DTNA: variants seen among roughly 807,000 people sequenced by gnomAD.
DTNA encodes the protein dystrobrevin alpha, also known as dystrophin-related protein 3.
DTNA carries 43 observed loss-of-function variants against 100.7 expected under a neutral mutation model. The observed-to-expected ratio is 0.43, with a 90% CI of 0.33 to 0.55. The LOEUF is 0.55. Ranked by LOEUF, DTNA falls within the 20% of genes least tolerant of loss-of-function variation. DTNA has a pLI of 0.04. For missense variants in DTNA, 798 were observed against 953.9 expected, an observed-to-expected ratio of 0.84 and a Z score of 2.15; for synonymous variants, 349 against 347.9, an observed-to-expected ratio of 1.00 and a Z score of -0.04.
intron 1 of DTNA, among the ~76,000 whole-genome samples, chr18:34,634,978 T>C (rs148201727): frequency 2.2e-3 from 332 of 152,296 alleles, no homozygotes; most frequent in African/African-American, 7.4e-3. Context: ...ATGTTAGCAT[T>C]ATGATTTATT....
At position 34,888,275 on chromosome 18, in the gene DTNA, A is replaced by C. The variant is rs1016783312; in HGVS notation, c.*541A>C. ...TTATTATACACTGTACATTTTTTTC[A>C]CAGCAATTGGAAAAAAACAACCACT... On this transcript the variant is annotated 3_prime_UTR_variant, in exon 23 of 23. Transcript: ENST00000444659. 2 of 985,708 alleles carry C rather than the reference A, an allele frequency of 2.0e-6. No individual in the cohort carries two copies. Among genetic ancestry groups the C allele is most frequent in the East Asian group, 1.1e-4 (1 of 8,806 alleles). 61.1% of individuals were successfully genotyped at this position (985,708 alleles called of 1,614,324 possible). A position where few individuals can be genotyped will look rare whatever the true frequency, so the allele number is the denominator to read the frequency against.
chr18:34,629,645 G>A (rs1475494161), intron 1 of DTNA, among the ~76,000 whole-genome samples: 2 of 152,134 alleles, frequency 1.3e-5, no homozygotes, highest in East Asian at 3.9e-4. Flanking sequence ...TCCAGGACAA[G>A]TGCTGTTTAA....
intron 1 of DTNA, among the ~76,000 whole-genome samples, chr18:34,604,789 C>A (rs1352394760): frequency 3.9e-5 from 6 of 152,134 alleles, no homozygotes; most frequent in Admixed American, 3.9e-4. Flanking sequence ...AGTTACATTA[C>A]ATTTTTCATT....
intron 1 of DTNA, among the ~76,000 whole-genome samples, chr18:34,632,127 T>A (rs1363537408): frequency 6.6e-6 from 1 of 152,216 alleles, no homozygotes; most frequent in African/African-American, 2.4e-5. Flanking sequence ...ATTAATAGAA[T>A]TTAATCCATT....
In DTNA at chr18:34,697,592, G is replaced by A. The variant is rs567862874; in HGVS notation, c.-1-58384G>A. ...GAAAAGGGAAATTTCATTTTTAAAA[G>A]AACCTCTTTGATGGAGAAGATGGGA... is the stretch of plus-strand genomic sequence containing the variant. On this transcript the variant is annotated intron_variant, in intron 1 of 19. Coordinates refer to the DTNA transcript ENST00000283365. Among the ~76,000 whole-genome samples the A allele has an allele frequency of 1.3e-3, 197 of 152,300 alleles. 1 individual carries two copies. Among genetic ancestry groups the A allele is most frequent in the Admixed American group, 1.4e-3 (22 of 15,288 alleles).
At chr18:34,509,789 C>T (rs889842927) in intron 1 of DTNA, among the ~76,000 whole-genome samples, 5 of 151,908 alleles carry the variant, frequency 3.3e-5, no homozygotes, top group African/African-American at 1.2e-4. Context: ...CCTTACTTTC[C>T]AAACATATGA....
chr18:34,812,202 C>G (rs1348580721), intron 6 of DTNA, 89 bp downstream of exon 6: 4 of 1,570,340 alleles, frequency 2.5e-6, no homozygotes, highest in Non-Finnish European at 3.5e-6. Context: ...GATACTCAGA[C>G]AAATTATTCT....
intron 13 of DTNA, among the ~76,000 whole-genome samples, chr18:34,848,026 A>G (rs543855736): frequency 3.3e-5 from 5 of 152,250 alleles, no homozygotes; most frequent in Non-Finnish European, 5.9e-5. Context: ...TTCTGATCAG[A>G]TGTATTGATC....
At chr18:34,568,405 G>T (rs759174504) in intron 1 of DTNA, among the ~76,000 whole-genome samples, 2 of 152,062 alleles carry the variant, frequency 1.3e-5, no homozygotes, top group African/African-American at 2.4e-5. Flanking sequence ...CTTAGGTAAC[G>T]TGAGTTCCTG....
chr18:34,775,892 G>A (rs1300770702), intron 3 of DTNA, among the ~76,000 whole-genome samples: 2 of 152,194 alleles, frequency 1.3e-5, no homozygotes, highest in Non-Finnish European at 2.9e-5. Context: ...TGAGTTTGTG[G>A]TTATTTGCCA....
At chr18:34,587,226 C>G (rs2049237394) in intron 1 of DTNA, among the ~76,000 whole-genome samples, 1 of 151,520 alleles carries the variant, frequency 6.6e-6, no homozygotes, top group African/African-American at 2.4e-5. Flanking sequence ...CTGGAGATAA[C>G]CCATATGTTT....
intron 3 of DTNA, among the ~76,000 whole-genome samples, chr18:34,775,424 T>C (rs989376678): frequency 1.3e-5 from 2 of 152,062 alleles, no homozygotes; most frequent in East Asian, 3.9e-4. Context: ...ATGCGGAGCT[T>C]GCAGTGAGCC....
intron 1 of DTNA, among the ~76,000 whole-genome samples, chr18:34,606,197 T>C (rs1457017151): frequency 2.0e-5 from 3 of 152,056 alleles, no homozygotes; most frequent in Admixed American, 6.5e-5. Flanking sequence ...ACGGGAGGGC[T>C]CTATTTTTTT....
intron 9 of DTNA, among the ~76,000 whole-genome samples, chr18:34,826,273 T>C (rs1181289309): frequency 2.0e-5 from 3 of 152,136 alleles, no homozygotes; most frequent in Non-Finnish European, 4.4e-5. Context: ...CAGGTGGCAT[T>C]TGGTTCATGA....
intron 1 of DTNA, among the ~76,000 whole-genome samples, chr18:34,673,643 A>C (rs2077042160): frequency 6.6e-6 from 1 of 152,186 alleles, no homozygotes; most frequent in African/African-American, 2.4e-5. Flanking sequence ...ATTGACAGGC[A>C]GGCCATCATA....
At chr18:34,636,152 T>C (rs1191927985) in intron 1 of DTNA, among the ~76,000 whole-genome samples, 1 of 152,168 alleles carries the variant, frequency 6.6e-6, no homozygotes, top group Non-Finnish European at 1.5e-5. Flanking sequence ...TTTAAGAAAA[T>C]TAATTTTTTT....
chr18:34,576,104 A>G (rs2048088319), intron 1 of DTNA, among the ~76,000 whole-genome samples: 1 of 152,214 alleles, frequency 6.6e-6, no homozygotes, highest in Non-Finnish European at 1.5e-5. Context: ...CCATAGAACC[A>G]TCTTTTGGGG....
chr18:34,738,613 G>A (rs777303509), intron 1 of DTNA, among the ~76,000 whole-genome samples: 2 of 152,048 alleles, frequency 1.3e-5, no homozygotes, highest in Non-Finnish European at 2.9e-5. Context: ...TCTGCACCTC[G>A]GTCTCTTTAT....
intron 7 of DTNA, chr18:34,817,860 T>G: frequency 9.9e-7 from 1 of 1,007,470 alleles, no homozygotes; most frequent in Non-Finnish European, 1.3e-6. Flanking sequence ...GCAAGTCTGT[T>G]TGGCTAATTT....
Sources: allele counts gnomAD v4.1 joint callset (sites outside exome capture counted in the v4.1 genomes callset), GRCh38; gene constraint gnomAD v4.1.1; transcripts MANE v1.5; gene names NCBI Gene and HGNC (gene_info 2026-07-23, HGNC 2026-07-21).